The following TLR5 variants were observed in gnomAD, a reference collection of about 807,000 sequenced individuals.
The protein encoded by TLR5 is toll-like receptor 5.
For missense variants in TLR5, 944 were observed against 999.8 expected (o/e 0.94, Z 0.75); for synonymous variants, 373 against 384.4 (o/e 0.97, Z 0.35).
At position 223,131,895 on chromosome 1, in the gene TLR5, A is replaced by G. The variant is rs565459050; in HGVS notation, c.-5+580T>C. 6.6e-6 allele frequency among the ~76,000 whole-genome samples: 1 copy of G among 151,388 alleles called. No individual in the cohort carries two copies. The highest frequency in any genetic ancestry group is 1.5e-5 in the Non-Finnish European group (1 of 67,864). ...CATGCCTGGCCTATATGCACTCTTT[A>G]TCTCCGTCCCCTGGTATTCTGGGTA... On this transcript the variant is annotated intron_variant, in intron 5 of 5. Transcript: ENST00000642603. This position sits in a 1 kb window ranked among gnomAD's most constrained non-coding sequence, Gnocchi z 4.2.
chr1:223,132,038 A>T (rs779729594), intron 5 of TLR5, among the ~76,000 whole-genome samples: 5 of 152,058 alleles, frequency 3.3e-5, no homozygotes, highest in Non-Finnish European at 7.4e-5. Flanking sequence ...GCACAACTTA[A>T]GTACCCCAGC....
At chr1:223,130,530 G>A (rs921572995) in intron 5 of TLR5, among the ~76,000 whole-genome samples, 2 of 152,132 alleles carry the variant, frequency 1.3e-5, no homozygotes. Context: ...TGGATGGGCC[G>A]GTCTGAGAAG....
intron 5 of TLR5, among the ~76,000 whole-genome samples, chr1:223,125,810 T>C (rs769627897): frequency 1.3e-4 from 20 of 152,190 alleles, no homozygotes; most frequent in Non-Finnish European, 2.2e-4. Context: ...TTAGTTGGTG[T>C]GGAGTGTGGC....
chr1:223,116,045 C>T (rs980833571), intron 5 of TLR5, among the ~76,000 whole-genome samples: 2 of 152,198 alleles, frequency 1.3e-5, no homozygotes, highest in African/African-American at 4.8e-5. Flanking sequence ...CGAGACTTCT[C>T]CTGCACACAC....
Position 223,110,244 on chromosome 1 carries a change from C to A in TLR5, c.*211G>T. 1.7e-6 allele frequency: 1 copy of A among 596,434 alleles called. No individual in the cohort carries two copies. The highest frequency in any genetic ancestry group is 2.9e-6 in the Non-Finnish European group (1 of 340,336). 36.9% of individuals were successfully genotyped at this position (596,434 alleles called of 1,614,324 possible). ...AATGGAGACTGGAAACCTCTAAGGG[C>A]AGTTGCAATTTTCTAGATCTATTAT... On this transcript the variant is annotated 3_prime_UTR_variant, in exon 6 of 6. Transcript: ENST00000642603.
chr1:223,119,462 A>G (rs1288884160), intron 5 of TLR5, among the ~76,000 whole-genome samples: 1 of 152,050 alleles, frequency 6.6e-6, no homozygotes, highest in East Asian at 1.9e-4. Flanking sequence ...AAGCTCCCCA[A>G]CTGACTGATG....
rs139132372 is a variant in TLR5, at chr1:223,115,978, T to G, written c.-4-2943A>C. On this transcript the variant is annotated intron_variant, in intron 5 of 5. Transcript: ENST00000642603. The stretch of plus-strand genomic sequence containing the variant: ...CTTCGCAAGTGCTGCTTCCTTCATG[T>G]GAACCCTCTTCTCTCTGCTCTTACT... Among the ~76,000 whole-genome samples the G allele has an allele frequency of 6.6e-3, 999 of 152,318 alleles. 33 individuals are homozygous for G. Among genetic ancestry groups the G allele is most frequent in the Admixed American group, 0.061 (939 of 15,304 alleles).
Position 223,113,041 on chromosome 1 carries a change from GAGA to G in TLR5, c.-4-9_-4-7del, listed in dbSNP as rs534651776. 31 of 1,613,848 alleles carry G rather than the reference GAGA, an allele frequency of 1.9e-5. No homozygotes were observed. Among genetic ancestry groups the G allele is most frequent in the Non-Finnish European group, 2.5e-5 (30 of 1,179,922 alleles). The stretch of plus-strand genomic sequence containing the variant: ...CCAGGTGGTCTCCCATGATCCTATG[GAGA>G]AGAAGGGAGAATGAAAACACAGGCA... On this transcript the variant is annotated splice_region_variant and splice_polypyrimidine_tract_variant and intron_variant, in intron 5 of 5. Coordinates refer to ENST00000642603, the MANE Select transcript of TLR5 (RefSeq NM_003268.6).
chr1:223,131,679 T>C lies in TLR5; in HGVS notation c.-5+796A>G, dbSNP rs959106680. 2.6e-5 allele frequency among the ~76,000 whole-genome samples: 4 copies of C among 152,240 alleles called. No individual in the cohort carries two copies. Among genetic ancestry groups the C allele is most frequent in the African/African-American group, 9.6e-5 (4 of 41,470 alleles). ...CCTGGGCTCAAGTGATGCTCCCATC[T>C]CAGCTTCCCAAGTAGTTGGGACTAC... is the stretch of plus-strand genomic sequence containing the variant. On this transcript the variant is annotated intron_variant, in intron 5 of 5. Transcript: ENST00000642603. This position sits in a 1 kb window ranked among gnomAD's most constrained non-coding sequence, Gnocchi z 4.2.
In TLR5 at chr1:223,112,634, T is replaced by TCAATA. The variant is rs748538811; in HGVS notation, c.397_398insTATTG (p.Asp133ValfsTer6). ...GAAATAACCATCTTTCAATACAGCA[T>TCAATA]CAGAGAGACCACAGAAATACAGTCT... On this transcript the variant is annotated frameshift_variant, in exon 6 of 6. Coordinates refer to ENST00000642603, the MANE Select transcript of TLR5 (RefSeq NM_003268.6). LOFTEE classifies it low-confidence loss of function (END_TRUNC). The TCAATA allele has an allele frequency of 6.2e-7, 1 of 1,614,180 alleles. No individual in the cohort carries two copies. Among genetic ancestry groups the TCAATA allele is most frequent in the Non-Finnish European group, 8.5e-7 (1 of 1,180,032 alleles).
At chr1:223,124,186 G>A (rs1373371118) in intron 5 of TLR5, among the ~76,000 whole-genome samples, 2 of 152,212 alleles carry the variant, frequency 1.3e-5, no homozygotes, top group African/African-American at 4.8e-5. Flanking sequence ...GCTCACGCCT[G>A]TAATCCCAGC....
At chr1:223,125,439 G>A (rs1657127750) in intron 5 of TLR5, among the ~76,000 whole-genome samples, 1 of 152,188 alleles carries the variant, frequency 6.6e-6, no homozygotes, top group South Asian at 2.1e-4. Flanking sequence ...GGCAGAGTGT[G>A]TCACCTTTCA....
intron 5 of TLR5, chr1:223,127,507 C>T (rs1171111925): frequency 6.6e-6 from 1 of 152,176 alleles, no homozygotes; most frequent in Non-Finnish European, 1.5e-5. Flanking sequence ...CTGCATAATA[C>T]AGCATCCCAC....
At position 223,111,094 on chromosome 1, in the gene TLR5, G is replaced by A; in HGVS notation, c.1938C>T (p.Cys646=). Residue 646 remains cysteine, a synonymous_variant, in exon 6 of 6, where the codon TGC becomes TGT. Transcript: ENST00000642603. ...KSLKFSLFIV[C]TVTLTLFLMT... ...TGAGGAACAGAGTCAGAGTGACAGT[G>A]CATACAATGAAAAGGGAGAACTTTA... 6.2e-7 allele frequency: 1 copy of A among 1,614,192 alleles called. No individual in the cohort carries two copies. The highest frequency in any genetic ancestry group is 8.5e-7 in the Non-Finnish European group (1 of 1,180,042).
At chr1:223,127,280 A>G (rs1249133046) in intron 5 of TLR5, 2 of 152,248 alleles carry the variant, frequency 1.3e-5, no homozygotes, top group African/African-American at 4.8e-5. Flanking sequence ...CTGGGCCCAA[A>G]CCTGGAGGGC....
chr1:223,126,380 G>T (rs956224554), intron 5 of TLR5, among the ~76,000 whole-genome samples: 18 of 152,210 alleles, frequency 1.2e-4, no homozygotes, highest in African/African-American at 4.1e-4. Flanking sequence ...AATGGGCAGA[G>T]TTTCAGTCTG....
At chr1:223,140,071 G>C (rs1323919961) in intron 2 of TLR5, among the ~76,000 whole-genome samples, 1 of 152,168 alleles carries the variant, frequency 6.6e-6, no homozygotes, top group Admixed American at 6.5e-5. Flanking sequence ...TCTATGCAAG[G>C]ACCAATGGAG....
intron 5 of TLR5, among the ~76,000 whole-genome samples, chr1:223,124,447 CA>C (rs71178531): frequency 7.8e-5 from 11 of 141,668 alleles, no homozygotes; most frequent in Non-Finnish European, 7.6e-5. Context: ...CCGTCTAAAA[CA>C]AAAAAAAAAA....
At position 223,112,953 on chromosome 1, in the gene TLR5, C is replaced by T. The variant is rs377323041; in HGVS notation, c.79G>A (p.Asp27Asn). ...AAACGATAAAAGGCTATTCGGCCAT[C>T]AAAGGAGCAGGAAGGAATTCCAAAC... is the stretch of plus-strand genomic sequence containing the variant. ...PVFGIPSCSFDGRIAFYRFCN... is the reference protein window; with the variant it reads ...PVFGIPSCSFNGRIAFYRFCN... The change falls in exon 6 of 6, where the codon GAT becomes AAT. Residue 27 changes from aspartate to asparagine, a missense_variant. Asp to Asn is a conservative substitution (Grantham distance 23). Coordinates refer to ENST00000642603, the MANE Select transcript of TLR5 (RefSeq NM_003268.6). The T allele has an allele frequency of 9.3e-6, 15 of 1,613,994 alleles. No individual in the cohort carries two copies. The highest frequency in any genetic ancestry group is 1.3e-5 in the African/African-American group (1 of 74,886).
Sources: allele counts gnomAD v4.1 joint callset (sites outside exome capture counted in the v4.1 genomes callset), GRCh38; gene constraint gnomAD v4.1.1; non-coding constraint Gnocchi (gnomAD v3.1); transcripts MANE v1.5; gene names NCBI Gene and HGNC (gene_info 2026-07-23, HGNC 2026-07-21).